VPS35L: variants seen among roughly 807,000 people sequenced by gnomAD.
VPS35L encodes the protein VPS35 endosomal protein-sorting factor-like.
In VPS35L, 83 loss-of-function variants were observed where a neutral mutation model predicts 133.0. The ratio of observed to expected loss-of-function variants is 0.62; its 90% CI spans 0.52 to 0.75. The LOEUF (loss-of-function observed/expected upper bound fraction) is 0.75. Among genes scored for constraint, VPS35L ranks in the 30% least tolerant of loss-of-function variants. The pLI is 0.00. For missense variants in VPS35L, 1,083 were observed against 1,206.8 expected, an observed-to-expected ratio of 0.90 and a Z score of 1.52; for synonymous variants, 423 against 449.9, an observed-to-expected ratio of 0.94 and a Z score of 0.76.
chr16:19,561,118 C>T (rs561941867), intron 1 of VPS35L, among the ~76,000 whole-genome samples: 13 of 152,200 alleles, frequency 8.5e-5, no homozygotes, highest in African/African-American at 2.4e-4. Flanking sequence ...GCCTGTAATC[C>T]CAGCACTTTG....
At chr16:19,572,704 A>G (rs542592066) in intron 3 of VPS35L, among the ~76,000 whole-genome samples, 1 of 151,368 alleles carries the variant, frequency 6.6e-6, no homozygotes, top group African/African-American at 2.4e-5. Context: ...TTTTTTTGAG[A>G]TGGAGTCTTG....
chr16:19,571,931 G>T (rs577689418), intron 3 of VPS35L, among the ~76,000 whole-genome samples: 2 of 151,554 alleles, frequency 1.3e-5, no homozygotes, highest in Non-Finnish European at 2.9e-5. Flanking sequence ...ATTTTGACCA[G>T]CCGTATGGTA....
chr16:19,695,954 T>A (rs1975893037), intron 29 of VPS35L, among the ~76,000 whole-genome samples: 1 of 152,076 alleles, frequency 6.6e-6, no homozygotes, highest in Admixed American at 6.5e-5. Flanking sequence ...TGGCACAATT[T>A]CAGCTGACTG....
intron 12 of VPS35L, among the ~76,000 whole-genome samples, chr16:19,613,569 C>T (rs1972793927): frequency 6.6e-6 from 1 of 152,166 alleles, no homozygotes; most frequent in African/African-American, 2.4e-5. Flanking sequence ...CCATAGCGGC[C>T]TCTGGCTTCC....
At position 19,603,437 on chromosome 16, in the gene VPS35L, G is replaced by A. The variant is rs149734990; in HGVS notation, c.784+1714G>A. ...AAGACGGTAAAGTAGCTCACTAATA[G>A]TGTTTATGTTGATTACATGTTGAAA... On this transcript the variant is annotated intron_variant, in intron 9 of 30. Transcript: ENST00000417362. Among the ~76,000 whole-genome samples the A allele has an allele frequency of 2.2e-3, 334 of 152,318 alleles. 1 individual carries two copies. Among genetic ancestry groups the A allele is most frequent in the African/African-American group, 7.3e-3 (303 of 41,576 alleles).
chr16:19,619,213 A>G (rs1412127691), intron 14 of VPS35L, among the ~76,000 whole-genome samples: 1 of 152,084 alleles, frequency 6.6e-6, no homozygotes, highest in African/African-American at 2.4e-5. Flanking sequence ...GATCACAGAC[A>G]AGAGCCACCG....
intron 15 of VPS35L, 114 bp from the exon 16 acceptor site, chr16:19,627,580 C>T: frequency 8.6e-6 from 7 of 815,712 alleles, no homozygotes; most frequent in Admixed American, 8.5e-5. Context: ...TTGTTTTTCC[C>T]CAACCCTACC....
At chr16:19,628,198 C>G (rs1177975646) in intron 16 of VPS35L, among the ~76,000 whole-genome samples, 1 of 152,212 alleles carries the variant, frequency 6.6e-6, no homozygotes, top group South Asian at 2.1e-4. Flanking sequence ...GACCCCATCT[C>G]TACAAAAAAT....
intron 5 of VPS35L, among the ~76,000 whole-genome samples, chr16:19,577,836 A>G (rs1284684819): frequency 6.6e-6 from 1 of 152,164 alleles, no homozygotes; most frequent in Non-Finnish European, 1.5e-5. Flanking sequence ...TATGAACCCA[A>G]CCGGAAAGCA....
chr16:19,590,326 C>T (rs1048726163), intron 7 of VPS35L, among the ~76,000 whole-genome samples: 1 of 152,136 alleles, frequency 6.6e-6, no homozygotes, highest in African/African-American at 2.4e-5. Flanking sequence ...TGAACGTTCT[C>T]ACCATTCTCT....
intron 8 of VPS35L, among the ~76,000 whole-genome samples, chr16:19,600,876 T>G (rs531989785): frequency 1.1e-4 from 17 of 152,148 alleles, no homozygotes; most frequent in Non-Finnish European, 1.9e-4. Context: ...TTGACATATT[T>G]TATGTGAAGA....
chr16:19,571,106 C>T (rs1270755138), intron 3 of VPS35L, among the ~76,000 whole-genome samples: 1 of 151,500 alleles, frequency 6.6e-6, no homozygotes. Flanking sequence ...CGCCTGACCT[C>T]GTGATCCACC....
chr16:19,593,238 A>G (rs1398112790), intron 8 of VPS35L, among the ~76,000 whole-genome samples: 1 of 152,160 alleles, frequency 6.6e-6, no homozygotes, highest in East Asian at 1.9e-4. Context: ...TAAGCTGTAT[A>G]TGATGTGCCC....
At chr16:19,676,582 T>C (rs946044870) in intron 27 of VPS35L, among the ~76,000 whole-genome samples, 1 of 152,094 alleles carries the variant, frequency 6.6e-6, no homozygotes, top group Non-Finnish European at 1.5e-5. Flanking sequence ...CAGTTGCAAT[T>C]TGCAAGAAAT....
intron 7 of VPS35L, among the ~76,000 whole-genome samples, chr16:19,590,746 C>A (rs920725481): frequency 3.3e-5 from 5 of 151,822 alleles, no homozygotes; most frequent in Non-Finnish European, 5.9e-5. Context: ...GTCAGGAGTT[C>A]AAGACCAGCC....
At chr16:19,680,685 G>A (rs1238074875) in intron 27 of VPS35L, among the ~76,000 whole-genome samples, 1 of 152,196 alleles carries the variant, frequency 6.6e-6, no homozygotes, top group Non-Finnish European at 1.5e-5. Flanking sequence ...GCCAAGGCAG[G>A]TGGATCGCTT....
In VPS35L at chr16:19,669,348, T is replaced by C. The variant is rs779689363; in HGVS notation, c.2361+49T>C. 38 of 1,563,520 alleles carry C rather than the reference T, an allele frequency of 2.4e-5. No homozygotes were observed. In the South Asian group the frequency reaches 3.9e-4, roughly 16 times the overall value. ...AGGACATGTCTTCCTTTCACCTGCC[T>C]TATAATATTATATGTGTTCTTAGGC... On this transcript the variant is annotated intron_variant, in intron 27 of 30. Transcript: ENST00000417362.
At chr16:19,609,496 C>T (rs918526696) in intron 11 of VPS35L, among the ~76,000 whole-genome samples, 5 of 152,130 alleles carry the variant, frequency 3.3e-5, no homozygotes, top group South Asian at 2.1e-4. Flanking sequence ...ATGAAAATGA[C>T]GTCAGAAGCA....
At chr16:19,662,661 A>AC (rs61130920) in intron 26 of VPS35L, among the ~76,000 whole-genome samples, 17,792 of 151,876 alleles carry the variant, frequency 0.12, 1,543 homozygotes, top group African/African-American at 0.22. Context: ...TTTAGATAAA[A>AC]CCCCCCACAT....
Sources: gnomAD v4.1 joint callset for allele counts (sites outside exome capture counted in the v4.1 genomes callset) on GRCh38, gnomAD v4.1.1 for gene constraint, MANE v1.5 for transcripts, NCBI Gene and HGNC (gene_info 2026-07-23, HGNC 2026-07-21) for gene names.